Variants in PRKCA observed in about 807,000 individuals in gnomAD.
The protein encoded by PRKCA is protein kinase C alpha.
Under a neutral mutation model 87.0 loss-of-function variants are expected in PRKCA, and 27 were observed. That is an observed-to-expected ratio of 0.31 (90% CI 0.23 to 0.43). The LOEUF (loss-of-function observed/expected upper bound fraction) is 0.43. Among genes scored for constraint, PRKCA ranks in the 20% least tolerant of loss-of-function variants. The pLI is 1.00. For missense variants in PRKCA, 518 were observed against 852.3 expected (o/e 0.61, Z 4.88); for synonymous variants, 329 against 311.1 (o/e 1.06, Z -0.61).
At chr17:66,436,658 G>A (rs781471305) in intron 2 of PRKCA, among the ~76,000 whole-genome samples, 3 of 152,202 alleles carry the variant, frequency 2.0e-5, no homozygotes, top group African/African-American at 2.4e-5. Flanking sequence ...CTTGCTAATG[G>A]AGTGAACTCA....
intron 2 of PRKCA, among the ~76,000 whole-genome samples, chr17:66,464,114 A>G (rs1914978725): frequency 6.6e-6 from 1 of 152,142 alleles, no homozygotes; most frequent in South Asian, 2.1e-4. Flanking sequence ...GATGTCATGT[A>G]TTTGGAATCC....
In PRKCA at chr17:66,446,393, T is replaced by C. The variant is rs928115302; in HGVS notation, c.206-49808T>C. 7.9e-5 allele frequency among the ~76,000 whole-genome samples: 12 copies of C among 152,336 alleles called. No individual in the cohort carries two copies. In the South Asian group the frequency reaches 1.7e-3, roughly 21 times the overall value. On this transcript the variant is annotated intron_variant, in intron 2 of 16. Transcript: ENST00000413366. Reference sequence around the variant, plus strand: ...GCACCCCCATTCACCTTCTCCAGGATGGAAACAATTTTCTTCTTCCTCATT... The same window carrying C: ...GCACCCCCATTCACCTTCTCCAGGACGGAAACAATTTTCTTCTTCCTCATT...
chr17:66,368,952 G>A (rs528905091), intron 2 of PRKCA, among the ~76,000 whole-genome samples: 70 of 152,128 alleles, frequency 4.6e-4, no homozygotes, highest in Non-Finnish European at 4.3e-4. Context: ...TTCGTAATCT[G>A]TAGATCGTGA....
chr17:66,531,009 G>C (rs1409125192), intron 3 of PRKCA, among the ~76,000 whole-genome samples: 1 of 152,172 alleles, frequency 6.6e-6, no homozygotes, highest in Non-Finnish European at 1.5e-5. Flanking sequence ...GGCCCACGTT[G>C]TGTCTTCCTG....
At chr17:66,416,667 G>A (rs950304221) in intron 2 of PRKCA, 2 of 152,182 alleles carry the variant, frequency 1.3e-5, no homozygotes, top group African/African-American at 2.4e-5. Flanking sequence ...TATCAAAGAA[G>A]TTGAACAAGC....
chr17:66,430,187 G>A (rs1388840288), intron 2 of PRKCA, among the ~76,000 whole-genome samples: 4 of 152,038 alleles, frequency 2.6e-5, no homozygotes, highest in East Asian at 2.0e-4. Context: ...GGCTTTGAGC[G>A]GATCCATGCG....
chr17:66,694,480 CAAAAAAAAAA>C (rs57941055), intron 8 of PRKCA, among the ~76,000 whole-genome samples: 3 of 35,214 alleles, frequency 8.5e-5, no homozygotes, highest in African/African-American at 1.3e-4. Context: ...GACTCTGTCT[CAAAAAAAAAA>C]AAAAAAAAAA....
intron 8 of PRKCA, among the ~76,000 whole-genome samples, chr17:66,725,414 A>C (rs372755946): frequency 2.0e-5 from 3 of 152,292 alleles, no homozygotes; most frequent in African/African-American, 7.2e-5. Flanking sequence ...TTTTGAATGC[A>C]TGTGCCTGAT....
intron 2 of PRKCA, among the ~76,000 whole-genome samples, chr17:66,374,057 C>T (rs1417338162): frequency 1.3e-5 from 2 of 152,120 alleles, no homozygotes; most frequent in Non-Finnish European, 2.9e-5. Context: ...GGCGGCAGTG[C>T]TCCCCTGGAA....
chr17:66,456,316 T>A (rs979056728), intron 2 of PRKCA, among the ~76,000 whole-genome samples: 2 of 152,202 alleles, frequency 1.3e-5, no homozygotes, highest in African/African-American at 4.8e-5. Flanking sequence ...AAACTCATTG[T>A]ACTTCTGAGG....
rs200795195 is a variant in PRKCA at position 66,756,122 on chromosome 17, A to G, written c.1524+13362A>G. On this transcript the variant is annotated intron_variant, in intron 13 of 16. Transcript: ENST00000413366. ...CCTCAGGAAGCGCTGCCGGGTCCTCACAGTGAATGCTGGAGAAAAATCGCC... is the reference window on the plus strand; with the variant it reads ...CCTCAGGAAGCGCTGCCGGGTCCTCGCAGTGAATGCTGGAGAAAAATCGCC... 7.2e-5 allele frequency among the ~76,000 whole-genome samples: 11 copies of G among 152,326 alleles called. No homozygotes were observed. The East Asian group carries it at 2.1e-3, about 29-fold the overall frequency.
chr17:66,560,121 C>T (rs866162468), intron 3 of PRKCA, among the ~76,000 whole-genome samples: 1 of 152,072 alleles, frequency 6.6e-6, no homozygotes, highest in South Asian at 2.1e-4. Flanking sequence ...GTGATCAATC[C>T]CTGTGCATTG....
At chr17:66,418,169 TG>T (rs1467784337) in intron 2 of PRKCA, among the ~76,000 whole-genome samples, 12 of 152,174 alleles carry the variant, frequency 7.9e-5, no homozygotes, top group African/African-American at 2.4e-4. Flanking sequence ...AAGATGGGAA[TG>T]GCTTGCAGAT....
rs2010593 is a variant in PRKCA, at chr17:66,629,453, T to G, written c.289-11902T>G. On this transcript the variant is annotated intron_variant, in intron 3 of 16. Coordinates refer to ENST00000413366, the MANE Select transcript of PRKCA (RefSeq NM_002737.3). Reference sequence around the variant, plus strand: ...ATGACCTGATCCTGTTTTTACTAAATTAAAATGATGGGATCTTGCAGACTC... The same window carrying G: ...ATGACCTGATCCTGTTTTTACTAAAGTAAAATGATGGGATCTTGCAGACTC... Among the ~76,000 whole-genome samples, 910 of 152,300 alleles carry G rather than the reference T, an allele frequency of 6.0e-3. 25 individuals are homozygous for G. Among genetic ancestry groups the G allele is most frequent in the Admixed American group, 0.044 (665 of 15,286 alleles).
chr17:66,370,549 CTTTTT>C (rs555797425), intron 2 of PRKCA, among the ~76,000 whole-genome samples: 8 of 113,668 alleles, frequency 7.0e-5, no homozygotes, highest in African/African-American at 2.4e-4. Flanking sequence ...CTTTTCTTTT[CTTTTT>C]TTTTTTTTTT....
chr17:66,590,047 G>A (rs1236524463), intron 3 of PRKCA, among the ~76,000 whole-genome samples: 2 of 152,130 alleles, frequency 1.3e-5, no homozygotes, highest in Admixed American at 6.5e-5. Flanking sequence ...ACCTCCTGCT[G>A]TGCACCCCAG....
At chr17:66,712,748 A>G (rs8081512) in intron 8 of PRKCA, among the ~76,000 whole-genome samples, 83,192 of 151,952 alleles carry the variant, frequency 0.55, 23,081 homozygotes, top group African/African-American at 0.61. Context: ...CCAATATTTC[A>G]TAGCTGTATA....
chr17:66,447,067 C>T (rs1272074031), intron 2 of PRKCA, among the ~76,000 whole-genome samples: 2 of 152,116 alleles, frequency 1.3e-5, no homozygotes, highest in African/African-American at 4.8e-5. Context: ...GGAAACGCTT[C>T]GATATCAAGC....
At chr17:66,330,822 T>C (rs1345747128) in intron 2 of PRKCA, among the ~76,000 whole-genome samples, 5 of 152,198 alleles carry the variant, frequency 3.3e-5, no homozygotes, top group Non-Finnish European at 2.9e-5. Flanking sequence ...CGAGTGAAGC[T>C]GATAGTAATG....
Sources: gnomAD v4.1 joint callset for allele counts (sites outside exome capture counted in the v4.1 genomes callset) on GRCh38, gnomAD v4.1.1 for gene constraint, MANE v1.5 for transcripts, NCBI Gene and HGNC (gene_info 2026-07-23, HGNC 2026-07-21) for gene names.